Variants in OR13C4 observed in about 807,000 individuals in gnomAD.
OR13C4 encodes the protein olfactory receptor family 13 subfamily C member 4.
For missense variants in OR13C4, 383 were observed against 381.7 expected (o/e 1.00, Z -0.03); for synonymous variants, 138 against 140.8 (o/e 0.98, Z 0.14).
Position 104,526,888 on chromosome 9 carries a change from C to A in OR13C4, c.322G>T (p.Gly108Trp), listed in dbSNP as rs1828718580. ...CCAAGGAGGAAACATTCTGTTGACC[C>A]CATTGCAAACCCAAAGAACATCTGC... ...AVQMFFGFAM[G>W]STECFLLGMM... Residue 108 changes from glycine to tryptophan, a missense_variant, in exon 1 of 1, where the codon GGG becomes TGG. Gly to Trp is a radical substitution (Grantham distance 184). Coordinates refer to ENST00000277216, the MANE Select transcript of OR13C4 (RefSeq NM_001001919.1). 6.2e-7 allele frequency: 1 copy of A among 1,613,958 alleles called. No homozygotes were observed.
rs139144967 is a variant in OR13C4 at position 104,526,527 on chromosome 9, G to A, written c.683C>T (p.Thr228Met). 181 of 1,614,098 alleles carry A rather than the reference G, an allele frequency of 1.1e-4. No individual in the cohort carries two copies. Among genetic ancestry groups the A allele is most frequent in the African/African-American group, 9.1e-4 (68 of 75,042 alleles). ...CTTGTGTCTTCCTGTGGCCGAGTTC[G>A]TTCGCAAGATGGTGTAGAGGATGAA... Reference protein sequence around the residue: ...YMFILYTILRTNSATGRHKAF... With the variant: ...YMFILYTILRMNSATGRHKAF... The change falls in exon 1 of 1, where the codon ACG becomes ATG. Residue 228 changes from threonine (T) to methionine (M), a missense_variant. Transcript: ENST00000277216.
chr9:104,526,662 G>C lies in OR13C4; in HGVS notation c.548C>G (p.Ala183Gly). 1 of 1,613,964 alleles carries C rather than the reference G, an allele frequency of 6.2e-7. No homozygotes were observed. Among genetic ancestry groups the C allele is most frequent in the Non-Finnish European group, 8.5e-7 (1 of 1,179,832 alleles). Residue 183 changes from alanine to glycine, a missense_variant, in exon 1 of 1, where the codon GCT becomes GGT. By Grantham distance (60) the Ala-to-Gly change is moderately conservative. Transcript: ENST00000277216. ...IINHFLCEILAVLKLACSDIS... is the reference protein window; with the variant it reads ...IINHFLCEILGVLKLACSDIS... Reference sequence around the variant, plus strand: ...ATCAGAACAAGCTAATTTTAGGACAGCTAAGATCTCGCATAAGAAATGATT... The same window carrying C: ...ATCAGAACAAGCTAATTTTAGGACACCTAAGATCTCGCATAAGAAATGATT...
In OR13C4 at chr9:104,526,767, G is replaced by A. The variant is rs995258737; in HGVS notation, c.443C>T (p.Ser148Leu). Residue 148 changes from serine (S) to leucine (L), a missense_variant, in exon 1 of 1, where the codon TCA (serine) becomes TTA (leucine). Coordinates refer to ENST00000277216, the MANE Select transcript of OR13C4 (RefSeq NM_001001919.1). ...TGAATTGATTCCACCAGAAAGCCATGATACAGAAGTCAGCAGTACATACAC... is the reference window on the plus strand; with the variant it reads ...TGAATTGATTCCACCAGAAAGCCATAATACAGAAGTCAGCAGTACATACAC... Reference protein sequence around the residue: ...KVVYVLLTSVSWLSGGINSTV... With the variant: ...KVVYVLLTSVLWLSGGINSTV... 4 of 1,614,146 alleles carry A rather than the reference G, an allele frequency of 2.5e-6. No individual in the cohort carries two copies. The highest frequency in any genetic ancestry group is 3.4e-6 in the Non-Finnish European group (4 of 1,179,998).
rs765582526 is a variant in OR13C4, at chr9:104,526,591, G to C, written c.619C>G (p.Leu207Val). The C allele has an allele frequency of 1.9e-6, 3 of 1,614,050 alleles. No homozygotes were observed. Among genetic ancestry groups the C allele is most frequent in the Non-Finnish European group, 2.5e-6 (3 of 1,179,908 alleles). ...VTLAVSNIAFLVLPLLVIFFS... is the reference protein window; with the variant it reads ...VTLAVSNIAFVVLPLLVIFFS... ...AAAATCACGAGCAGAGGAAGAACTA[G>C]GAAAGCAATATTTGACACTGCTAGG... The change falls in exon 1 of 1, where the codon CTA becomes GTA. Residue 207 changes from leucine (L) to valine (V), a missense_variant. Leu to Val is a conservative substitution (Grantham distance 32). Coordinates refer to ENST00000277216, the MANE Select transcript of OR13C4 (RefSeq NM_001001919.1).
In OR13C4 at chr9:104,526,760, A is replaced by T. The variant is rs141582176; in HGVS notation, c.450T>A (p.Leu150=). ...GCACAGTTGAATTGATTCCACCAGAAAGCCATGATACAGAAGTCAGCAGTA... is the reference window on the plus strand; with the variant it reads ...GCACAGTTGAATTGATTCCACCAGATAGCCATGATACAGAAGTCAGCAGTA... The part of the protein sequence containing the change: ...VYVLLTSVSW[L]SGGINSTVQT... The change falls in exon 1 of 1, where the codon CTT becomes CTA. Residue 150 remains leucine, a synonymous_variant. Transcript: ENST00000277216. The T allele has an allele frequency of 1.2e-6, 2 of 1,614,150 alleles. No homozygotes were observed. Among genetic ancestry groups the T allele is most frequent in the Non-Finnish European group, 1.7e-6 (2 of 1,179,994 alleles).
In OR13C4 at chr9:104,526,832, G is replaced by T; in HGVS notation, c.378C>A (p.Ile126=). 4 of 1,614,158 alleles carry T rather than the reference G, an allele frequency of 2.5e-6. No homozygotes were observed. The highest frequency in any genetic ancestry group is 3.4e-6 in the Non-Finnish European group (4 of 1,180,004). The change falls in exon 1 of 1, where the codon ATC becomes ATA. Residue 126 remains isoleucine (I), a synonymous_variant. Coordinates refer to ENST00000277216, the MANE Select transcript of OR13C4 (RefSeq NM_001001919.1). ...TGATGGGGTATCTCAGAGGGTTACA[G>T]ATGGCCACATAACGATCAAATGCCA... ...GMMAFDRYVA[I]CNPLRYPIIM... is the part of the protein sequence containing the mutation.
chr9:104,526,783 G>A lies in OR13C4; in HGVS notation c.427C>T (p.Leu143=), dbSNP rs1487075288. The A allele has an allele frequency of 6.2e-7, 1 of 1,614,152 alleles. No homozygotes were observed. Among genetic ancestry groups the A allele is most frequent in the Admixed American group, 1.7e-5 (1 of 60,022 alleles). Residue 143 remains leucine (L), a synonymous_variant, in exon 1 of 1, where the codon CTG becomes TTG. Coordinates refer to ENST00000277216, the MANE Select transcript of OR13C4 (RefSeq NM_001001919.1). ...GAAAGCCATGATACAGAAGTCAGCA[G>A]TACATACACCACCTTGTTCATGATG... The part of the protein sequence containing the change: ...PIIMNKVVYV[L]LTSVSWLSGG...
Position 104,526,709 on chromosome 9 carries a change from A to G in OR13C4, c.501T>C (p.Pro167=), listed in dbSNP as rs1054044153. 6.8e-6 allele frequency: 11 copies of G among 1,613,832 alleles called. No homozygotes were observed. Among genetic ancestry groups the G allele is most frequent in the African/African-American group, 4.0e-5 (3 of 74,924 alleles). The change falls in exon 1 of 1, where the codon CCT becomes CCC. Residue 167 remains proline, a synonymous_variant. Transcript: ENST00000277216. ...TVQTSLAMRW[P]FCGNNIINHF... is the part of the protein sequence containing the mutation. ...GATTAATAATATTGTTCCCACAGAA[A>G]GGCCATCGCATGGCAAGTGATGTTT...
At position 104,527,051 on chromosome 9, in the gene OR13C4, A is replaced by G; in HGVS notation, c.159T>C (p.Ser53=). 6.2e-7 allele frequency: 1 copy of G among 1,614,140 alleles called. No individual in the cohort carries two copies. Among genetic ancestry groups the G allele is most frequent in the Non-Finnish European group, 8.5e-7 (1 of 1,179,982 alleles). ...GVLIIASILD[S]RLHMPMYFFL... ...AGAAGTACATGGGCATGTGAAGACG[A>G]GAATCCAAGATGCTTGCTATGATCA... The change falls in exon 1 of 1, where the codon TCT becomes TCC. Residue 53 remains serine, a synonymous_variant. Transcript: ENST00000277216.
In OR13C4 at chr9:104,526,636, T is replaced by C; in HGVS notation, c.574A>G (p.Ile192Val). The change falls in exon 1 of 1, where the codon ATA (isoleucine) becomes GTA (valine). Residue 192 changes from isoleucine (I) to valine (V), a missense_variant. Physicochemically the swap from Ile to Val is conservative, Grantham distance 29 (BLOSUM62 3). Coordinates refer to ENST00000277216, the MANE Select transcript of OR13C4 (RefSeq NM_001001919.1). ...LAVLKLACSD[I>V]SVNIVTLAVS... ...GCTAGGGTAACAATATTGACAGATA[T>C]ATCAGAACAAGCTAATTTTAGGACA... 6.2e-7 allele frequency: 1 copy of C among 1,613,646 alleles called. No homozygotes were observed. Among genetic ancestry groups the C allele is most frequent in the Non-Finnish European group, 8.5e-7 (1 of 1,179,524 alleles).
Position 104,527,001 on chromosome 9 carries a change from T to A in OR13C4, c.209A>T (p.Asp70Val). Residue 70 changes from aspartate to valine, a missense_variant, in exon 1 of 1, where the codon GAT becomes GTT. Physicochemically the swap from Asp to Val is radical, Grantham distance 152 (BLOSUM62 -3). Coordinates refer to ENST00000277216, the MANE Select transcript of OR13C4 (RefSeq NM_001001919.1). ...AATGGAGGAGGTTGTATAGCAGATA[T>A]CCAGGAAAGAGAGGTTGCCCAGGAA... ...YFFLGNLSFL[D>V]ICYTTSSIPS... is the part of the protein sequence containing the mutation. The A allele has an allele frequency of 6.2e-7, 1 of 1,614,110 alleles. No homozygotes were observed. Among genetic ancestry groups the A allele is most frequent in the East Asian group, 2.2e-5 (1 of 44,874 alleles).
chr9:104,526,710 G>A lies in OR13C4; in HGVS notation c.500C>T (p.Pro167Leu). The A allele has an allele frequency of 6.2e-7, 1 of 1,613,902 alleles. No homozygotes were observed. Among genetic ancestry groups the A allele is most frequent in the Non-Finnish European group, 8.5e-7 (1 of 1,179,852 alleles). ...TVQTSLAMRW[P>L]FCGNNIINHF... The stretch of plus-strand genomic sequence containing the variant: ...ATTAATAATATTGTTCCCACAGAAA[G>A]GCCATCGCATGGCAAGTGATGTTTG... Residue 167 changes from proline (P) to leucine (L), a missense_variant, in exon 1 of 1, where the codon CCT becomes CTT. Pro to Leu is a moderately conservative substitution (Grantham distance 98). Coordinates refer to ENST00000277216, the MANE Select transcript of OR13C4 (RefSeq NM_001001919.1).
At position 104,526,766 on chromosome 9, in the gene OR13C4, T is replaced by C. The variant is rs769966354; in HGVS notation, c.444A>G (p.Ser148=). ...KVVYVLLTSV[S]WLSGGINSTV... ...TTGAATTGATTCCACCAGAAAGCCATGATACAGAAGTCAGCAGTACATACA... is the reference window on the plus strand; with the variant it reads ...TTGAATTGATTCCACCAGAAAGCCACGATACAGAAGTCAGCAGTACATACA... The change falls in exon 1 of 1, where the codon TCA becomes TCG. Residue 148 remains serine, a synonymous_variant. Coordinates refer to ENST00000277216, the MANE Select transcript of OR13C4 (RefSeq NM_001001919.1). The C allele has an allele frequency of 4.3e-6, 7 of 1,614,120 alleles. No homozygotes were observed. The highest frequency in any genetic ancestry group is 1.1e-5 in the South Asian group (1 of 91,088).
At position 104,526,470 on chromosome 9, in the gene OR13C4, A is replaced by G. The variant is rs10991292; in HGVS notation, c.740T>C (p.Val247Ala). ...GATGGTACCATAAAATATGATCACC[A>G]CAGTCAGGTGAGCTGAGCATGTAGA... is the stretch of plus-strand genomic sequence containing the variant. ...AFSTCSAHLT[V>A]VIIFYGTIFF... Residue 247 changes from valine to alanine, a missense_variant, in exon 1 of 1, where the codon GTG becomes GCG. Transcript: ENST00000277216. The G allele has an allele frequency of 6.2e-6, 10 of 1,613,896 alleles. No homozygotes were observed. The African/African-American group carries it at 1.3e-4, about 22-fold the overall frequency.
In OR13C4 at chr9:104,526,749, A is replaced by T. The variant is rs747174052; in HGVS notation, c.461T>A (p.Ile154Asn). 1 of 1,614,032 alleles carries T rather than the reference A, an allele frequency of 6.2e-7. No individual in the cohort carries two copies. Among genetic ancestry groups the T allele is most frequent in the Non-Finnish European group, 8.5e-7 (1 of 1,179,986 alleles). Residue 154 changes from isoleucine to asparagine, a missense_variant, in exon 1 of 1, where the codon ATC becomes AAC. Coordinates refer to ENST00000277216, the MANE Select transcript of OR13C4 (RefSeq NM_001001919.1). ...AAGTGATGTTTGCACAGTTGAATTG[A>T]TTCCACCAGAAAGCCATGATACAGA... is the stretch of plus-strand genomic sequence containing the variant. ...LTSVSWLSGG[I>N]NSTVQTSLAM...
rs752774170 is a variant in OR13C4 at position 104,526,399 on chromosome 9, CT to C, written c.810del (p.Asp271ThrfsTer17). The C allele has an allele frequency of 6.2e-7, 1 of 1,614,026 alleles. No homozygotes were observed. The highest frequency in any genetic ancestry group is 1.1e-5 in the South Asian group (1 of 91,070). The stretch of plus-strand genomic sequence containing the variant: ...AGCCCCTCTGTAGCTTGCAAGTTGT[CT>C]TTCCCAAGGAGGTCCTGGGACTTAG... ...AKPKSQDLLG[K>X]DNLQATEGLV... is the part of the protein sequence containing the mutation. On this transcript the variant is annotated frameshift_variant, in exon 1 of 1. Transcript: ENST00000277216. LOFTEE classifies it low-confidence loss of function (END_TRUNC).
chr9:104,526,508 T>C lies in OR13C4; in HGVS notation c.702A>G (p.Arg234=), dbSNP rs760893688. The change falls in exon 1 of 1, where the codon AGA becomes AGG. Residue 234 remains arginine, a synonymous_variant. Transcript: ENST00000277216. ...CTGAGCATGTAGAAAATGCCTTGTG[T>C]CTTCCTGTGGCCGAGTTCGTTCGCA... ...TILRTNSATG[R]HKAFSTCSAH... is the part of the protein sequence containing the mutation. 3.8e-5 allele frequency: 61 copies of C among 1,613,972 alleles called. No individual in the cohort carries two copies. In the Middle Eastern group the frequency reaches 4.9e-4, roughly 13 times the overall value.
In OR13C4 at chr9:104,526,612, C is replaced by T. The variant is rs1338056963; in HGVS notation, c.598G>A (p.Ala200Thr). 1.2e-6 allele frequency: 2 copies of T among 1,613,146 alleles called. No homozygotes were observed. The highest frequency in any genetic ancestry group is 1.7e-6 in the Non-Finnish European group (2 of 1,179,112). Reference protein sequence around the residue: ...SDISVNIVTLAVSNIAFLVLP... With the variant: ...SDISVNIVTLTVSNIAFLVLP... Reference sequence around the variant, plus strand: ...ACTAGGAAAGCAATATTTGACACTGCTAGGGTAACAATATTGACAGATATA... The same window carrying T: ...ACTAGGAAAGCAATATTTGACACTGTTAGGGTAACAATATTGACAGATATA... The change falls in exon 1 of 1, where the codon GCA becomes ACA. Residue 200 changes from alanine to threonine, a missense_variant. Physicochemically the swap from Ala to Thr is moderately conservative, Grantham distance 58. Coordinates refer to ENST00000277216, the MANE Select transcript of OR13C4 (RefSeq NM_001001919.1).
In OR13C4 at chr9:104,526,445, G is replaced by A; in HGVS notation, c.765C>T (p.Ile255=). The A allele has an allele frequency of 6.2e-7, 1 of 1,614,118 alleles. No individual in the cohort carries two copies. Among genetic ancestry groups the A allele is most frequent in the African/African-American group, 1.3e-5 (1 of 75,044 alleles). The change falls in exon 1 of 1, where the codon ATC becomes ATT. Residue 255 remains isoleucine (I), a synonymous_variant. Coordinates refer to ENST00000277216, the MANE Select transcript of OR13C4 (RefSeq NM_001001919.1). ...ACTTAGGTTTTGCATACATAAAGAA[G>A]ATGGTACCATAAAATATGATCACCA... ...LTVVIIFYGT[I]FFMYAKPKSQ... is the part of the protein sequence containing the mutation.
Sources: gnomAD v4.1 joint callset for allele counts on GRCh38, gnomAD v4.1.1 for gene constraint, MANE v1.5 for transcripts, NCBI Gene and HGNC (gene_info 2026-07-23, HGNC 2026-07-21) for gene names.